The following SLC24A2 variants were observed in gnomAD, a reference collection of about 807,000 sequenced individuals.
SLC24A2 encodes the protein solute carrier family 24 member 2, also known as sodium/potassium/calcium exchanger 2.
Under a neutral mutation model 62.0 loss-of-function variants are expected in SLC24A2, and 36 were observed. That is an observed-to-expected ratio of 0.58 (90% confidence interval 0.44 to 0.77). The LOEUF is 0.77. SLC24A2 is among the 30% of genes least tolerant of loss of function. The pLI is 0.00. For synonymous variants in SLC24A2, 358 were observed against 294.0 expected, an observed-to-expected ratio of 1.22 and a Z score of -2.23; for missense variants, 846 against 817.9, an observed-to-expected ratio of 1.03 and a Z score of -0.42.
At chr9:20,080,720 A>C in the SLC24A2 span, among the ~76,000 whole-genome samples, 2 of 152,164 alleles carry the variant, frequency 1.3e-5, no homozygotes, top group South Asian at 2.1e-4. Context: ...ATTTTTGCAA[A>C]CTACTCATCT....
rs534220574 is a variant in SLC24A2 at position 19,512,715 on chromosome 9, C to A, written c.*3438G>T. The A allele has an allele frequency of 3.4e-4, 52 of 152,280 alleles. No homozygotes were observed. The highest frequency in any genetic ancestry group is 1.2e-3 in the African/African-American group (49 of 41,544). The allele number at this position is 152,280 out of a possible 1,614,324, so 9.4% of individuals were successfully genotyped here. A position where few individuals can be genotyped will look rare whatever the true frequency, so the allele number is the denominator to read the frequency against. ...TCGGTTTGCTGTGAATAAATGAAAT[C>A]ATTTGCGTGCAACTCATTTATTTTA... On this transcript the variant is annotated 3_prime_UTR_variant, in exon 11 of 11. Coordinates refer to ENST00000341998, the MANE Select transcript of SLC24A2 (RefSeq NM_020344.4).
At chr9:19,992,270 G>C in the SLC24A2 span, among the ~76,000 whole-genome samples, 1 of 152,152 alleles carries the variant, frequency 6.6e-6, no homozygotes, top group Non-Finnish European at 1.5e-5. Flanking sequence ...GGAATACCTA[G>C]AGGTAGAGGT....
chr9:19,948,875 G>A, the SLC24A2 span, among the ~76,000 whole-genome samples: 23 of 149,952 alleles, frequency 1.5e-4, no homozygotes, highest in East Asian at 2.9e-3. Context: ...AATGAAAACA[G>A]AGCTAACAAA....
At chr9:19,635,320 G>C (rs1433595989) in intron 2 of SLC24A2, among the ~76,000 whole-genome samples, 1 of 152,128 alleles carries the variant, frequency 6.6e-6, no homozygotes, top group Non-Finnish European at 1.5e-5. Context: ...AATTACTATT[G>C]GCTCTGAAAT....
the SLC24A2 span, among the ~76,000 whole-genome samples, chr9:20,067,587 C>T: frequency 6.6e-6 from 1 of 151,994 alleles, no homozygotes. Context: ...ATGTTTGTGT[C>T]CAGGTGTACT....
At chr9:19,760,066 C>T (rs1010678414) in intron 2 of SLC24A2, among the ~76,000 whole-genome samples, 1 of 152,108 alleles carries the variant, frequency 6.6e-6, no homozygotes. Context: ...AGGAATTTTT[C>T]AATCAAATTT....
the SLC24A2 span, among the ~76,000 whole-genome samples, chr9:20,133,633 G>T: frequency 6.6e-6 from 1 of 152,040 alleles, no homozygotes; most frequent in Admixed American, 6.6e-5. Context: ...TCTATCTTCT[G>T]AAAACACAAA....
intron 7 of SLC24A2, among the ~76,000 whole-genome samples, chr9:19,560,454 C>G (rs1470854513): frequency 2.0e-5 from 3 of 151,984 alleles, no homozygotes; most frequent in African/African-American, 7.3e-5. Flanking sequence ...AAGGCTTGTG[C>G]TCTCTCTCTG....
At chr9:19,907,444 C>G in the SLC24A2 span, among the ~76,000 whole-genome samples, 1 of 152,176 alleles carries the variant, frequency 6.6e-6, no homozygotes, top group Admixed American at 6.5e-5. Flanking sequence ...TCTCATCACT[C>G]CTATTCAACA....
In SLC24A2 at chr9:19,514,339, A is replaced by G. The variant is rs562571995; in HGVS notation, c.*1814T>C. ...GTCAATGACAGAATAGATTGGAGAT[A>G]GGAACACATATGGTGAAATTTCCCA... is the stretch of plus-strand genomic sequence containing the variant. On this transcript the variant is annotated 3_prime_UTR_variant, in exon 11 of 11. Transcript: ENST00000341998. The G allele has an allele frequency of 1.3e-5, 2 of 152,246 alleles. No individual in the cohort carries two copies. Among genetic ancestry groups the G allele is most frequent in the African/African-American group, 2.4e-5 (1 of 41,464 alleles). 9.4% of individuals were successfully genotyped at this position (152,246 alleles called of 1,614,324 possible). A position where few individuals can be genotyped will look rare whatever the true frequency, so the allele number is the denominator to read the frequency against.
At chr9:20,011,954 A>C in the SLC24A2 span, among the ~76,000 whole-genome samples, 1 of 152,208 alleles carries the variant, frequency 6.6e-6, no homozygotes, top group East Asian at 1.9e-4. Context: ...TGATCACCTC[A>C]ATAGATGCAT....
At chr9:20,111,412 G>A in the SLC24A2 span, among the ~76,000 whole-genome samples, 1 of 152,092 alleles carries the variant, frequency 6.6e-6, no homozygotes, top group African/African-American at 2.4e-5. Context: ...GGTGTTATTA[G>A]CCTAGAGGCA....
chr9:19,913,260 T>C, the SLC24A2 span, among the ~76,000 whole-genome samples: 1 of 152,134 alleles, frequency 6.6e-6, no homozygotes, highest in Non-Finnish European at 1.5e-5. Context: ...GCTGCAGGCT[T>C]ATACCAGAGA....
At chr9:19,897,020 C>T in the SLC24A2 span, among the ~76,000 whole-genome samples, 15 of 151,858 alleles carry the variant, frequency 9.9e-5, no homozygotes, top group Admixed American at 2.0e-4. Flanking sequence ...CAACAGAGCT[C>T]ACATTCATGG....
the SLC24A2 span, among the ~76,000 whole-genome samples, chr9:20,188,476 T>G: frequency 6.6e-6 from 1 of 152,202 alleles, no homozygotes; most frequent in Non-Finnish European, 1.5e-5. Context: ...GAATAATGGC[T>G]CCCCAGCTAC....
At chr9:19,686,764 T>A (rs1819893508) in intron 2 of SLC24A2, among the ~76,000 whole-genome samples, 1 of 152,186 alleles carries the variant, frequency 6.6e-6, no homozygotes, top group African/African-American at 2.4e-5. Flanking sequence ...TTAAACCTCC[T>A]TTCTTTATAA....
chr9:20,197,246 T>C, the SLC24A2 span, among the ~76,000 whole-genome samples: 3 of 152,128 alleles, frequency 2.0e-5, no homozygotes, highest in East Asian at 5.8e-4. Context: ...ATAGAGAGGA[T>C]TGCCAAATTG....
chr9:19,546,357 T>G (rs1318390536), intron 8 of SLC24A2, among the ~76,000 whole-genome samples: 1 of 152,170 alleles, frequency 6.6e-6, no homozygotes, highest in Non-Finnish European at 1.5e-5. Flanking sequence ...TTGGGGGTAC[T>G]GCCTTTTTTT....
At chr9:20,014,047 A>G in the SLC24A2 span, among the ~76,000 whole-genome samples, 1 of 152,130 alleles carries the variant, frequency 6.6e-6, no homozygotes, top group East Asian at 1.9e-4. Flanking sequence ...GTCTCTATAA[A>G]AAATTTAAAA....
Sources: allele counts gnomAD v4.1 joint callset (sites outside exome capture counted in the v4.1 genomes callset), GRCh38; gene constraint gnomAD v4.1.1; transcripts MANE v1.5; gene names NCBI Gene and HGNC (gene_info 2026-07-23, HGNC 2026-07-21).